The following TMEM145 variants were observed in gnomAD, a reference collection of about 807,000 sequenced individuals.
TMEM145 encodes the protein transmembrane protein 145.
TMEM145 carries 46 observed loss-of-function variants against 68.5 expected under a neutral mutation model. The ratio of observed to expected loss-of-function variants is 0.67; its 90% CI spans 0.53 to 0.86. TMEM145 has a LOEUF of 0.86. Ranked by LOEUF, TMEM145 falls within the 40% of genes least tolerant of loss-of-function variation. TMEM145 has a pLI of 0.00. For missense variants in TMEM145, 570 were observed against 645.8 expected (o/e 0.88, Z 1.27); for synonymous variants, 255 against 280.2 (o/e 0.91, Z 0.90).
rs1348891961 is a variant in TMEM145 at position 42,314,184 on chromosome 19, TG to T, written c.121-82del. The T allele has an allele frequency of 3.0e-5, 44 of 1,447,584 alleles. 1 individual carries two copies. Among genetic ancestry groups the T allele is most frequent in the South Asian group, 9.1e-5 (8 of 87,626 alleles). 89.7% of individuals were successfully genotyped at this position (1,447,584 alleles called of 1,614,324 possible). Reference sequence around the variant, plus strand: ...TCTAGTACTTGGGAAGCCAGGTACCTGGGGGGTAGGGAAGAAAAGTTGGGGG... The same window carrying T: ...TCTAGTACTTGGGAAGCCAGGTACCTGGGGGTAGGGAAGAAAAGTTGGGGG... On this transcript the variant is annotated intron_variant, in intron 1 of 14. Coordinates refer to ENST00000301204, the MANE Select transcript of TMEM145 (RefSeq NM_173633.3).
At chr19:42,315,152 C>T in intron 6 of TMEM145, 36 bp from the exon 7 acceptor site, 1 of 1,613,982 alleles carries the variant, frequency 6.2e-7, no homozygotes, top group South Asian at 1.1e-5. Flanking sequence ...GGGACATCCA[C>T]CTGAATGAAC....
At chr19:42,324,362 G>A in intron 14 of TMEM145, 32 of 985,300 alleles carry the variant, frequency 3.2e-5, no homozygotes, top group Non-Finnish European at 3.9e-5. Context: ...GCCGGGCGCA[G>A]CCTCCCCCCC....
chr19:42,315,881 T>G (rs139441447), intron 8 of TMEM145, among the ~76,000 whole-genome samples: 1,716 of 152,142 alleles, frequency 0.011, 17 homozygotes, highest in Middle Eastern at 0.051. Context: ...AATACAAAAA[T>G]TAGCTGGACA....
chr19:42,318,856 T>C (rs913906442), intron 12 of TMEM145, among the ~76,000 whole-genome samples: 5 of 151,930 alleles, frequency 3.3e-5, no homozygotes, highest in Admixed American at 1.3e-4. Flanking sequence ...CCAAGGTGGG[T>C]GGATCATTTG....
Position 42,320,351 on chromosome 19 carries a change from A to G in TMEM145, c.1108A>G (p.Asn370Asp). 6.2e-7 allele frequency: 1 copy of G among 1,614,060 alleles called. No individual in the cohort carries two copies. Among genetic ancestry groups the G allele is most frequent in the South Asian group, 1.1e-5 (1 of 91,084 alleles). ...FAVPVMALIA[N>D]FGIPKWAREK... is the part of the protein sequence containing the mutation. ...GGTTCCTGTCATGGCCCTGATTGCC[A>G]ATTTCGGCATCCCCAAGTGGGCCCG... The change falls in exon 13 of 15, where the codon AAT becomes GAT. Residue 370 changes from asparagine (N) to aspartate (D), a missense_variant. Asn to Asp is a conservative substitution (Grantham distance 23). Transcript: ENST00000301204.
At chr19:42,320,209 T>C in intron 12 of TMEM145, 108 bp from the exon 13 acceptor site, 1 of 1,479,146 alleles carries the variant, frequency 6.8e-7, no homozygotes, top group South Asian at 1.2e-5. Flanking sequence ...TCCCTCCAGT[T>C]TGGGACCTGC....
chr19:42,323,538 C>T (rs1368942042), intron 13 of TMEM145, 45 bp from the exon 14 acceptor site: 8 of 1,593,632 alleles, frequency 5.0e-6, no homozygotes, highest in Middle Eastern at 1.7e-4. Flanking sequence ...GGACAGCCTC[C>T]GGCCTGACAG....
Position 42,313,979 on chromosome 19 carries a change from A to G in TMEM145, c.121-293A>G, listed in dbSNP as rs1012801605. Among the ~76,000 whole-genome samples the G allele has an allele frequency of 1.3e-5, 2 of 151,834 alleles. No homozygotes were observed. Among genetic ancestry groups the G allele is most frequent in the African/African-American group, 2.4e-5 (1 of 41,294 alleles). The stretch of plus-strand genomic sequence containing the variant: ...TTGGCCAGGACATGAGGTGGCCAGG[A>G]TGAGCATCTGGCCCCTAAGGTCTTT... On this transcript the variant is annotated intron_variant, in intron 1 of 14. Transcript: ENST00000301204. This position sits in a 1 kb window ranked among gnomAD's most constrained non-coding sequence, Gnocchi z 5.1.
At chr19:42,320,875 C>T (rs1222146611) in intron 13 of TMEM145, among the ~76,000 whole-genome samples, 4 of 152,062 alleles carry the variant, frequency 2.6e-5, no homozygotes, top group Admixed American at 6.6e-5. Flanking sequence ...GTGATCCACC[C>T]GTCTCAGCCT....
Position 42,324,768 on chromosome 19 carries a change from TC to T in TMEM145, c.1436del (p.Pro479ArgfsTer90). On this transcript the variant is annotated frameshift_variant, in exon 15 of 15. Coordinates refer to ENST00000301204, the MANE Select transcript of TMEM145 (RefSeq NM_173633.3). LOFTEE classifies it high-confidence loss of function. ...PLPRAAPDSG[L>X]PLFRDLRPPG... ...CCCCGAGCGGCGCCGGATTCTGGGCTCCCGCTGTTCCGTGACCTCCGGCCCC... is the reference window on the plus strand; with the variant it reads ...CCCCGAGCGGCGCCGGATTCTGGGCTCCGCTGTTCCGTGACCTCCGGCCCC... 1 of 1,558,410 alleles carries T rather than the reference TC, an allele frequency of 6.4e-7. No individual in the cohort carries two copies. Among genetic ancestry groups the T allele is most frequent in the Non-Finnish European group, 8.6e-7 (1 of 1,160,776 alleles).
rs2038945591 is a variant in TMEM145 at position 42,324,267 on chromosome 19, C to T, written c.1402-470C>T. ...GTCCCGGACGGCCTCTGACCCTGAC[C>T]CCCCTCCCAGGCCGGGAAGCAGGTG... On this transcript the variant is annotated intron_variant, in intron 14 of 14. Coordinates refer to ENST00000301204, the MANE Select transcript of TMEM145 (RefSeq NM_173633.3). 14 of 985,248 alleles carry T rather than the reference C, an allele frequency of 1.4e-5. No individual in the cohort carries two copies. The South Asian group carries it at 4.2e-4, about 30-fold the overall frequency. 61.0% of individuals were successfully genotyped at this position (985,248 alleles called of 1,614,324 possible). A position where few individuals can be genotyped will look rare whatever the true frequency, so the allele number is the denominator to read the frequency against.
At chr19:42,323,468 C>T in intron 13 of TMEM145, 115 bp from the exon 14 acceptor site, 1 of 998,950 alleles carries the variant, frequency 1.0e-6, no homozygotes, top group Non-Finnish European at 1.5e-6. Context: ...GTGTGAATGG[C>T]TTCAGGGAAG....
intron 13 of TMEM145, 25 bp downstream of exon 13, chr19:42,320,462 T>C (rs1599986435): frequency 6.2e-7 from 1 of 1,612,548 alleles, no homozygotes; most frequent in Non-Finnish European, 8.5e-7. Context: ...CTGTGGGGGG[T>C]GGAGGGGAGG....
At chr19:42,316,839 C>T (rs2038863474) in intron 10 of TMEM145, 31 bp from the exon 11 acceptor site, 1 of 1,612,108 alleles carries the variant, frequency 6.2e-7, no homozygotes, top group Non-Finnish European at 8.5e-7. Flanking sequence ...CGGCCCCCAC[C>T]CTGCTGTCTC....
In TMEM145 at chr19:42,314,541, A is replaced by T; in HGVS notation, c.273+13A>T. 1 of 1,614,128 alleles carries T rather than the reference A, an allele frequency of 6.2e-7. No individual in the cohort carries two copies. The highest frequency in any genetic ancestry group is 8.5e-7 in the Non-Finnish European group (1 of 1,180,008). Reference sequence around the variant, plus strand: ...GGCAGGGGACAAGGTGAGGGCTGTGAAGAGGGCATAGGGGGAGAGGGGAGA... The same window carrying T: ...GGCAGGGGACAAGGTGAGGGCTGTGTAGAGGGCATAGGGGGAGAGGGGAGA... On this transcript the variant is annotated intron_variant, in intron 3 of 14. Coordinates refer to ENST00000301204, the MANE Select transcript of TMEM145 (RefSeq NM_173633.3).
Position 42,320,406 on chromosome 19 carries a change from G to C in TMEM145, c.1163G>C (p.Gly388Ala). The C allele has an allele frequency of 6.2e-7, 1 of 1,614,162 alleles. No homozygotes were observed. Residue 388 changes from glycine to alanine, a missense_variant, in exon 13 of 15, where the codon GGG becomes GCG. Physicochemically the swap from Gly to Ala is moderately conservative, Grantham distance 60. Coordinates refer to ENST00000301204, the MANE Select transcript of TMEM145 (RefSeq NM_173633.3). The part of the protein sequence containing the change: ...REKIVNGIQL[G>A]IHLYAHGVFL... ...AAGATTGTCAATGGCATCCAGCTGGGGATCCACTTGTACGCCCATGGCGTG... is the reference window on the plus strand; with the variant it reads ...AAGATTGTCAATGGCATCCAGCTGGCGATCCACTTGTACGCCCATGGCGTG...
intron 13 of TMEM145, among the ~76,000 whole-genome samples, chr19:42,323,148 T>A (rs772648102): frequency 7.2e-4 from 110 of 152,248 alleles, no homozygotes; most frequent in Non-Finnish European, 1.4e-3. Context: ...TCTGTATTTA[T>A]GAAAATATCC....
intron 13 of TMEM145, chr19:42,321,367 C>T (rs1236179911): frequency 5.2e-6 from 2 of 382,040 alleles, no homozygotes; most frequent in Non-Finnish European, 9.2e-6. Flanking sequence ...AGGAGCACGC[C>T]ACCATGCCCG....
Position 42,323,756 on chromosome 19 carries a change from G to T in TMEM145, c.1368G>T (p.Thr456=). Residue 456 remains threonine, a synonymous_variant, in exon 14 of 15, where the codon ACG becomes ACT. Coordinates refer to ENST00000301204, the MANE Select transcript of TMEM145 (RefSeq NM_173633.3). The stretch of plus-strand genomic sequence containing the variant: ...TCAGCGACTCGGTGCCCAACTTCAC[G>T]GAGCTCTTCTCCATCCCCCCGCCCG... The part of the protein sequence containing the change: ...TFISDSVPNF[T]ELFSIPPPAT... 1 of 1,614,098 alleles carries T rather than the reference G, an allele frequency of 6.2e-7. No individual in the cohort carries two copies. The highest frequency in any genetic ancestry group is 1.1e-5 in the South Asian group (1 of 91,086).
Sources: allele counts gnomAD v4.1 joint callset (sites outside exome capture counted in the v4.1 genomes callset), GRCh38; gene constraint gnomAD v4.1.1; non-coding constraint Gnocchi (gnomAD v3.1); transcripts MANE v1.5; gene names NCBI Gene and HGNC (gene_info 2026-07-23, HGNC 2026-07-21).